NOL8: variants seen among roughly 807,000 people sequenced by gnomAD.
NOL8 encodes nucleolar protein Nop132.
A neutral mutation model predicts 116.1 loss-of-function variants in NOL8; 93 were observed. The ratio of observed to expected loss-of-function variants is 0.80; its 90% CI spans 0.68 to 0.95. NOL8 has a LOEUF of 0.95. NOL8 is among the 40% of genes least tolerant of loss of function. The pLI is 0.00. For missense variants in NOL8, 1,291 were observed against 1,382.8 expected (o/e 0.93, Z 1.05); for synonymous variants, 419 against 469.0 (o/e 0.89, Z 1.38).
In NOL8 at chr9:92,312,845, A is replaced by G. The variant is rs964094334; in HGVS notation, c.2358+1422T>C. On this transcript the variant is annotated intron_variant, in intron 7 of 16. Coordinates refer to ENST00000442668, the MANE Select transcript of NOL8 (RefSeq NM_017948.6). ...TCCATCTCAAAAAAAAAAAAAAAAA[A>G]AAAGAAAAGAAAAACCACCTATTGG... is the stretch of plus-strand genomic sequence containing the variant. Among the ~76,000 whole-genome samples the G allele has an allele frequency of 2.1e-3, 306 of 148,910 alleles. 2 individuals are homozygous for G. The highest frequency in any genetic ancestry group is 7.1e-3 in the African/African-American group (282 of 39,742).
intron 12 of NOL8, among the ~76,000 whole-genome samples, chr9:92,304,311 A>C (rs1564207816): frequency 6.6e-6 from 1 of 152,200 alleles, no homozygotes; most frequent in Non-Finnish European, 1.5e-5. Context: ...TCTTTCATTG[A>C]ACAGTACCTA....
intron 7 of NOL8, among the ~76,000 whole-genome samples, chr9:92,311,669 A>G (rs999567364): frequency 2.0e-5 from 3 of 152,256 alleles, no homozygotes; most frequent in Non-Finnish European, 4.4e-5. Flanking sequence ...CACACCAGTC[A>G]AAATGGCTAT....
chr9:92,303,527 A>G lies in NOL8; in HGVS notation c.2904-1705T>C, dbSNP rs73516602. 4.6e-3 allele frequency among the ~76,000 whole-genome samples: 695 copies of G among 152,322 alleles called. 7 individuals are homozygous for G. Among genetic ancestry groups the G allele is most frequent in the African/African-American group, 0.016 (653 of 41,576 alleles). On this transcript the variant is annotated intron_variant, in intron 12 of 16. Coordinates refer to ENST00000442668, the MANE Select transcript of NOL8 (RefSeq NM_017948.6). ...GTAGAGTGGAGTCATCACAGCAGAG[A>G]TGGTCTGGCCTGCAAAGTCTTATCT...
At chr9:92,317,005 T>C (rs1287251020) in intron 6 of NOL8, among the ~76,000 whole-genome samples, 1 of 152,136 alleles carries the variant, frequency 6.6e-6, no homozygotes, top group African/African-American at 2.4e-5. Flanking sequence ...CAGGCTGGAG[T>C]GCCACGGCAT....
Position 92,314,915 on chromosome 9 carries a change from A to T in NOL8, c.1710T>A (p.Phe570Leu). Residue 570 changes from phenylalanine (F) to leucine (L), a missense_variant, in exon 7 of 17, where the codon TTT becomes TTA. Coordinates refer to ENST00000442668, the MANE Select transcript of NOL8 (RefSeq NM_017948.6). ...KPKENNLKPK[F>L]QAFKGVGCLY... ...GACAGCCTACTCCCTTGAAAGCCTG[A>T]AATTTTGGCTTTAAATTGTTTTCCT... The T allele has an allele frequency of 6.2e-7, 1 of 1,613,810 alleles. No individual in the cohort carries two copies. The highest frequency in any genetic ancestry group is 1.3e-5 in the African/African-American group (1 of 75,046).
chr9:92,319,804 C>CA (rs1480506413), intron 4 of NOL8: 1 of 325,862 alleles, frequency 3.1e-6, no homozygotes, highest in Non-Finnish European at 6.0e-6. Flanking sequence ...CCCTTACCAC[C>CA]AGCAACTGAG....
chr9:92,299,016 T>A, intron 14 of NOL8, 62 bp from the exon 15 acceptor site: 1 of 783,380 alleles, frequency 1.3e-6, no homozygotes. Context: ...TTTCAATATT[T>A]AAGAAGAAAT....
In NOL8 at chr9:92,311,189, G is replaced by A; in HGVS notation, c.2429C>T (p.Thr810Ile). ...TGGATGGCTCTGCTCCTGAGTCGATGTCTCCTCTGTTTCACATTCACTGTC... is the reference window on the plus strand; with the variant it reads ...TGGATGGCTCTGCTCCTGAGTCGATATCTCCTCTGTTTCACATTCACTGTC... ...GSDSECETEE[T>I]STQEQSHPGE... Residue 810 changes from threonine (T) to isoleucine (I), a missense_variant, in exon 8 of 17, where the codon ACA becomes ATA. By Grantham distance (89) the Thr-to-Ile change is moderately conservative. Transcript: ENST00000442668. The A allele has an allele frequency of 1.9e-6, 3 of 1,613,824 alleles. No individual in the cohort carries two copies. The highest frequency in any genetic ancestry group is 2.5e-6 in the Non-Finnish European group (3 of 1,179,824).
At position 92,301,762 on chromosome 9, in the gene NOL8, T is replaced by G. The variant is rs34224798; in HGVS notation, c.2964A>C (p.Glu988Asp). Residue 988 changes from glutamate (E) to aspartate (D), a missense_variant, in exon 13 of 17, where the codon GAA (glutamate) becomes GAC (aspartate). Physicochemically the swap from Glu to Asp is conservative, Grantham distance 45. Coordinates refer to ENST00000442668, the MANE Select transcript of NOL8 (RefSeq NM_017948.6). ...EAEKLPEVSK[E>D]MYYNIAMDLK... ...GATCCATAGCAATATTATAATACAT[T>G]TCTTTAGACACCTCAGGTAGTTTCT... is the stretch of plus-strand genomic sequence containing the variant. The G allele has an allele frequency of 1.1e-3, 1,784 of 1,601,040 alleles. 19 individuals are homozygous for G. In the African/African-American group the frequency reaches 0.021, roughly 19 times the overall value.
chr9:92,320,231 G>A, intron 4 of NOL8: 1 of 455,230 alleles, frequency 2.2e-6, no homozygotes, highest in Non-Finnish European at 4.4e-6. Context: ...TGGCCTCTTT[G>A]CCTCTGGTCT....
chr9:92,317,792 T>C (rs1328927768), intron 6 of NOL8, among the ~76,000 whole-genome samples: 2 of 151,974 alleles, frequency 1.3e-5, no homozygotes, highest in African/African-American at 4.8e-5. Flanking sequence ...CCCAGCTCTT[T>C]GGGAGGCCAA....
Position 92,307,057 on chromosome 9 carries a change from G to A in NOL8, c.2687-33C>T, listed in dbSNP as rs569064758. The stretch of plus-strand genomic sequence containing the variant: ...GAAAAGGGATAATTAATACTCTCTT[G>A]GAAAACACAGCCTGAGAAGTCTCAA... On this transcript the variant is annotated intron_variant, in intron 10 of 16. Transcript: ENST00000442668. The A allele has an allele frequency of 1.1e-5, 18 of 1,585,934 alleles. No individual in the cohort carries two copies. In the South Asian group the frequency reaches 2.1e-4, roughly 18 times the overall value.
rs1051108032 is a variant in NOL8 at position 92,298,941 on chromosome 9, G to C, written c.3316C>G (p.Leu1106Val). ...AAAAATCTAGTGGTCTCTTTCTCAA[G>C]TAATGATGCTTCTCTGAAAAGAAAG... ...RNSSPGEASLLEKETTRFFFF... is the reference protein window; with the variant it reads ...RNSSPGEASLVEKETTRFFFF... Residue 1106 changes from leucine (L) to valine (V), a missense_variant, in exon 15 of 17, where the codon CTT becomes GTT. Physicochemically the swap from Leu to Val is conservative, Grantham distance 32. Coordinates refer to ENST00000442668, the MANE Select transcript of NOL8 (RefSeq NM_017948.6). 7.9e-6 allele frequency: 12 copies of C among 1,522,752 alleles called. No homozygotes were observed. The highest frequency in any genetic ancestry group is 3.8e-5 in the South Asian group (3 of 79,304). 94.3% of individuals were successfully genotyped at this position (1,522,752 alleles called of 1,614,324 possible).
intron 4 of NOL8, chr9:92,320,396 T>A (rs1588004292): frequency 6.2e-6 from 2 of 322,732 alleles, no homozygotes; most frequent in South Asian, 5.1e-5. Flanking sequence ...GAATGAAAGG[T>A]ATATAACCAC....
intron 6 of NOL8, among the ~76,000 whole-genome samples, chr9:92,317,109 G>T (rs931585680): frequency 6.6e-6 from 1 of 151,918 alleles, no homozygotes; most frequent in African/African-American, 2.4e-5. Context: ...TGTGCCACCG[G>T]GCCCAGCCTG....
intron 12 of NOL8, 137 bp downstream of exon 12, chr9:92,305,616 C>T: frequency 1.5e-6 from 1 of 658,058 alleles, no homozygotes; most frequent in Non-Finnish European, 2.7e-6. Flanking sequence ...TCTAACTCTA[C>T]CTGCACTACC....
intron 3 of NOL8, chr9:92,323,217 CAGTTTTA>C: frequency 8.1e-7 from 1 of 1,238,428 alleles, no homozygotes; most frequent in Non-Finnish European, 1.1e-6. Flanking sequence ...TTGAGAATAG[CAGTTTTA>C]AGTAAACCCA....
chr9:92,305,883 CA>C (rs1838206761), intron 11 of NOL8, 53 bp from the exon 12 acceptor site: 2 of 1,252,826 alleles, frequency 1.6e-6, no homozygotes, highest in South Asian at 2.5e-5. Flanking sequence ...AACACTAATA[CA>C]AAAAGTAAGT....
chr9:92,308,475 GA>G (rs1838478892), intron 10 of NOL8, among the ~76,000 whole-genome samples: 1 of 152,210 alleles, frequency 6.6e-6, no homozygotes, highest in South Asian at 2.1e-4. Flanking sequence ...TGGACTTGCT[GA>G]GTTTTAACAC....
Sources: gnomAD v4.1 joint callset for allele counts (sites outside exome capture counted in the v4.1 genomes callset) on GRCh38, gnomAD v4.1.1 for gene constraint, MANE v1.5 for transcripts, NCBI Gene and HGNC (gene_info 2026-07-23, HGNC 2026-07-21) for gene names.